Variants in NRXN3 observed in about 807,000 individuals in gnomAD.
The protein encoded by NRXN3 is neurexin 3.
In NRXN3, 32 loss-of-function variants were observed where a neutral mutation model predicts 137.6. The observed-to-expected ratio is 0.23, with a 90% confidence interval of 0.18 to 0.31. The LOEUF is 0.31. NRXN3 is among the 10% of genes least tolerant of loss of function. The probability of loss-of-function intolerance (pLI) is 1.00; values close to 1 mark genes in which losing one functional copy is unlikely to be tolerated. For missense variants in NRXN3, 1,574 were observed against 2,062.5 expected, an observed-to-expected ratio of 0.76 and a Z score of 4.59; for synonymous variants, 798 against 784.5, an observed-to-expected ratio of 1.02 and a Z score of -0.29.
At position 78,385,362 on chromosome 14, in the gene NRXN3, A is replaced by G. The variant is rs147365676; in HGVS notation, c.757+87502A>G. 1.2e-4 allele frequency among the ~76,000 whole-genome samples: 19 copies of G among 152,094 alleles called. No homozygotes were observed. In the East Asian group the frequency reaches 3.7e-3, roughly 29 times the overall value. On this transcript the variant is annotated intron_variant, in intron 4 of 20. Transcript: ENST00000335750. ...ATATAAAACTTCCTAATCATAAAAA[A>G]TTATGAAAAGTGAACACATTTGCAA...
rs148628932 is a variant in NRXN3 at position 79,451,412 on chromosome 14, G to A, written c.3263-15809G>A. 3.0e-3 allele frequency among the ~76,000 whole-genome samples: 454 copies of A among 152,232 alleles called. 1 individual carries two copies. The highest frequency in any genetic ancestry group is 0.01 in the African/African-American group (421 of 41,538). On this transcript the variant is annotated intron_variant, in intron 15 of 20. Coordinates refer to ENST00000335750, the MANE Select transcript of NRXN3 (RefSeq NM_001330195.2). ...TGTGCCAATTTTCTGTTAATTATGGGCTTCTCCTAAAAGTTTATGAGTTTA... is the reference window on the plus strand; with the variant it reads ...TGTGCCAATTTTCTGTTAATTATGGACTTCTCCTAAAAGTTTATGAGTTTA...
intron 16 of NRXN3, among the ~76,000 whole-genome samples, chr14:79,605,590 C>T (rs1316783515): frequency 6.6e-6 from 1 of 152,098 alleles, no homozygotes; most frequent in Non-Finnish European, 1.5e-5. Context: ...CAGGTTCAAG[C>T]AATTCTCCTG....
chr14:78,588,298 A>G (rs1382785960), intron 4 of NRXN3, among the ~76,000 whole-genome samples: 1 of 152,212 alleles, frequency 6.6e-6, no homozygotes, highest in Non-Finnish European at 1.5e-5. Flanking sequence ...ATCATGTTAT[A>G]CCTTTCTATC....
chr14:78,413,188 T>C (rs1240341037), intron 4 of NRXN3, among the ~76,000 whole-genome samples: 1 of 152,184 alleles, frequency 6.6e-6, no homozygotes, highest in Non-Finnish European at 1.5e-5. Flanking sequence ...TAAGCAAAGA[T>C]GTGGTATAGC....
intron 17 of NRXN3, among the ~76,000 whole-genome samples, chr14:79,672,477 T>C (rs1351206951): frequency 2.0e-5 from 3 of 152,080 alleles, no homozygotes; most frequent in African/African-American, 7.2e-5. Flanking sequence ...TTTAAAATTA[T>C]ACTTATCTGA....
intron 10 of NRXN3, among the ~76,000 whole-genome samples, chr14:78,820,425 TAAAAAAAA>T (rs10632138): frequency 2.5e-5 from 3 of 120,994 alleles, no homozygotes. Context: ...ATGTTATTTC[TAAAAAAAA>T]AAAAAAAAAA....
chr14:79,545,306 A>C (rs917901429), intron 16 of NRXN3, among the ~76,000 whole-genome samples: 1 of 152,128 alleles, frequency 6.6e-6, no homozygotes, highest in African/African-American at 2.4e-5. Context: ...GGAACAATCT[A>C]CTTCCTTGCT....
chr14:79,133,512 C>A (rs867773710), intron 15 of NRXN3, among the ~76,000 whole-genome samples: 3 of 152,214 alleles, frequency 2.0e-5, no homozygotes, highest in Middle Eastern at 6.8e-3. Context: ...CTCATTACTA[C>A]CTGTTATCTC....
chr14:79,619,316 C>T (rs1482089194), intron 16 of NRXN3, among the ~76,000 whole-genome samples: 2 of 152,022 alleles, frequency 1.3e-5, no homozygotes, highest in Non-Finnish European at 2.9e-5. Context: ...AGGTTTCCTT[C>T]TAGGATTTTT....
Position 78,689,212 on chromosome 14 carries a change from C to T in NRXN3, c.1222-20005C>T, listed in dbSNP as rs1012563151. On this transcript the variant is annotated intron_variant, in intron 6 of 20. Transcript: ENST00000335750. ...AAAGTATAGTTAGTGCCATACTCATCGTTGTATTTTTCTTCTTTTTTACCT... is the reference window on the plus strand; with the variant it reads ...AAAGTATAGTTAGTGCCATACTCATTGTTGTATTTTTCTTCTTTTTTACCT... Among the ~76,000 whole-genome samples the T allele has an allele frequency of 3.9e-5, 6 of 152,036 alleles. No homozygotes were observed. In the East Asian group the frequency reaches 5.8e-4, roughly 15 times the overall value.
rs557030516 is a variant in NRXN3, at chr14:78,317,452, A to T, written c.757+19592A>T. 1.1e-4 allele frequency among the ~76,000 whole-genome samples: 16 copies of T among 152,334 alleles called. No homozygotes were observed. In the South Asian group the frequency reaches 2.7e-3, roughly 26 times the overall value. Reference sequence around the variant, plus strand: ...GAGGGATCCAGGTTGTGTGTTCCTTATAAGAATCTGACTAATGCCTGATGA... The same window carrying T: ...GAGGGATCCAGGTTGTGTGTTCCTTTTAAGAATCTGACTAATGCCTGATGA... On this transcript the variant is annotated intron_variant, in intron 4 of 20. Transcript: ENST00000335750.
intron 4 of NRXN3, among the ~76,000 whole-genome samples, chr14:78,396,099 A>G (rs568838454): frequency 2.0e-4 from 30 of 150,966 alleles, no homozygotes; most frequent in Middle Eastern, 3.4e-3. Context: ...TTAATTTAGT[A>G]TTTTGATTTA....
intron 4 of NRXN3, among the ~76,000 whole-genome samples, chr14:78,301,073 G>GTT (rs2076827471): frequency 6.6e-6 from 1 of 152,044 alleles, no homozygotes; most frequent in Non-Finnish European, 1.5e-5. Flanking sequence ...TGAATTTGGG[G>GTT]ATAACATTGG....
chr14:78,531,531 GT>G (rs2096461356), intron 4 of NRXN3, among the ~76,000 whole-genome samples: 1 of 152,102 alleles, frequency 6.6e-6, no homozygotes, highest in Non-Finnish European at 1.5e-5. Flanking sequence ...TCTACATTTT[GT>G]TTTTTACAAA....
intron 16 of NRXN3, among the ~76,000 whole-genome samples, chr14:79,605,107 A>G (rs983610648): frequency 4.6e-5 from 7 of 152,172 alleles, no homozygotes; most frequent in Admixed American, 2.6e-4. Context: ...TACACCATCA[A>G]TCTTTCCTCG....
intron 4 of NRXN3, among the ~76,000 whole-genome samples, chr14:78,517,716 A>C (rs1396395800): frequency 6.6e-6 from 1 of 152,184 alleles, no homozygotes; most frequent in Non-Finnish European, 1.5e-5. Context: ...AATTATTCCA[A>C]AGAAGCACAC....
intron 7 of NRXN3, among the ~76,000 whole-genome samples, chr14:78,712,113 T>C (rs1265264700): frequency 6.6e-6 from 1 of 152,234 alleles, no homozygotes; most frequent in Non-Finnish European, 1.5e-5. Context: ...TTCCTCAGGT[T>C]GTATTTAAGG....
At chr14:78,329,200 T>G (rs1162493677) in intron 4 of NRXN3, among the ~76,000 whole-genome samples, 1 of 152,206 alleles carries the variant, frequency 6.6e-6, no homozygotes, top group Non-Finnish European at 1.5e-5. Context: ...CTCACTTTGC[T>G]CTAAATTCTG....
chr14:79,025,213 G>A (rs1036319055), intron 15 of NRXN3, among the ~76,000 whole-genome samples: 1 of 152,082 alleles, frequency 6.6e-6, no homozygotes, highest in African/African-American at 2.4e-5. Flanking sequence ...AATCTAGACT[G>A]CTGTTCTTTT....
Sources: gnomAD v4.1 joint callset for allele counts (sites outside exome capture counted in the v4.1 genomes callset) on GRCh38, gnomAD v4.1.1 for gene constraint, MANE v1.5 for transcripts, NCBI Gene and HGNC (gene_info 2026-07-23, HGNC 2026-07-21) for gene names.